RABEP1: variants seen among roughly 807,000 people sequenced by gnomAD.
RABEP1 encodes rabaptin, RAB GTPase binding effector protein 1.
In RABEP1, 51 loss-of-function variants were observed where a neutral mutation model predicts 123.4. The observed-to-expected ratio is 0.41, with a 90% confidence interval of 0.33 to 0.52. The LOEUF is 0.52. Among genes scored for constraint, RABEP1 ranks in the 20% least tolerant of loss-of-function variants. The probability of loss-of-function intolerance (pLI) is 0.16; values close to 1 mark genes in which losing one functional copy is unlikely to be tolerated. For synonymous variants in RABEP1, 347 were observed against 355.2 expected, an observed-to-expected ratio of 0.98 and a Z score of 0.26; for missense variants, 888 against 996.3, an observed-to-expected ratio of 0.89 and a Z score of 1.46.
chr17:5,289,674 A>G (rs920100850), intron 1 of RABEP1, among the ~76,000 whole-genome samples: 16 of 152,302 alleles, frequency 1.1e-4, no homozygotes, highest in Admixed American at 1.0e-3. Context: ...AGACTAGTAG[A>G]CATAAGGAAC....
intron 1 of RABEP1, among the ~76,000 whole-genome samples, chr17:5,293,248 T>C (rs1262052475): frequency 2.0e-5 from 3 of 151,816 alleles, no homozygotes; most frequent in Admixed American, 6.6e-5. Context: ...GATTGCACCA[T>C]TGCACTCCAG....
chr17:5,289,484 ACT>A (rs138574954), intron 1 of RABEP1, among the ~76,000 whole-genome samples: 3,177 of 148,412 alleles, frequency 0.021, 108 homozygotes, highest in African/African-American at 0.074. Flanking sequence ...GACCTCCCCA[ACT>A]CTCATGTTTA....
chr17:5,282,314 G>A lies in RABEP1; in HGVS notation c.-173G>A, dbSNP rs900648291. ...GATGAGGAGGCGGAGGTCGGCGGTC[G>A]GGTCCGTCTCTGCCCGCGGCTGTGG... On this transcript the variant is annotated 5_prime_UTR_variant, in exon 1 of 18. Coordinates refer to ENST00000537505, the MANE Select transcript of RABEP1 (RefSeq NM_004703.6). 1.1e-5 allele frequency: 5 copies of A among 436,062 alleles called. No individual in the cohort carries two copies. Among genetic ancestry groups the A allele is most frequent in the African/African-American group, 4.1e-5 (2 of 49,060 alleles). The allele number at this position is 436,062 out of a possible 1,614,324, so 27.0% of individuals were successfully genotyped here. A position where few individuals can be genotyped will look rare whatever the true frequency, so the allele number is the denominator to read the frequency against.
intron 2 of RABEP1, among the ~76,000 whole-genome samples, chr17:5,326,631 C>T (rs1469291331): frequency 2.6e-5 from 4 of 152,006 alleles, no homozygotes; most frequent in Non-Finnish European, 4.4e-5. Context: ...CTAGTGTAAA[C>T]GAAGTGGGTG....
At chr17:5,282,839 T>C (rs181955686) in intron 1 of RABEP1, among the ~76,000 whole-genome samples, 44 of 151,722 alleles carry the variant, frequency 2.9e-4, no homozygotes, top group African/African-American at 1.0e-3. Context: ...GGCACGTGGG[T>C]TCTGCCCGTG....
chr17:5,366,880 A>G (rs571298211), intron 11 of RABEP1, among the ~76,000 whole-genome samples: 10 of 151,786 alleles, frequency 6.6e-5, no homozygotes, highest in African/African-American at 1.9e-4. Flanking sequence ...ACCTGAGGTC[A>G]GGAGTTTGAG....
intron 1 of RABEP1, among the ~76,000 whole-genome samples, chr17:5,305,437 T>C (rs986736897): frequency 3.9e-5 from 6 of 152,192 alleles, no homozygotes; most frequent in African/African-American, 7.2e-5. Flanking sequence ...AATGGAAACA[T>C]ACTTAATCTT....
chr17:5,382,151 G>A (rs1429338917), intron 17 of RABEP1, among the ~76,000 whole-genome samples: 1 of 149,920 alleles, frequency 6.7e-6, no homozygotes, highest in Non-Finnish European at 1.5e-5. Context: ...GTGTGATCTT[G>A]GCTCACTGCA....
chr17:5,384,605 C>T lies in RABEP1; in HGVS notation c.*1382C>T, dbSNP rs1355184049. 1 of 215,554 alleles carries T rather than the reference C, an allele frequency of 4.6e-6. No homozygotes were observed. Among genetic ancestry groups the T allele is most frequent in the Non-Finnish European group, 9.3e-6 (1 of 107,192 alleles). The allele number at this position is 215,554 out of a possible 1,614,324, so 13.4% of individuals were successfully genotyped here. A position where few individuals can be genotyped will look rare whatever the true frequency, so the allele number is the denominator to read the frequency against. On this transcript the variant is annotated 3_prime_UTR_variant, in exon 18 of 18. Coordinates refer to ENST00000537505, the MANE Select transcript of RABEP1 (RefSeq NM_004703.6). ...TAAATGAGGTCACTATGGACTTACC[C>T]TAAAGATCTTCTGTACTTCTGTCTT... is the stretch of plus-strand genomic sequence containing the variant.
chr17:5,292,774 C>A (rs72836367), intron 1 of RABEP1, among the ~76,000 whole-genome samples: 1 of 151,984 alleles, frequency 6.6e-6, no homozygotes, highest in Non-Finnish European at 1.5e-5. Context: ...CTCTGCTTTC[C>A]GGGCTCAGGT....
chr17:5,334,670 G>A (rs1442817266), intron 3 of RABEP1, among the ~76,000 whole-genome samples: 6 of 152,106 alleles, frequency 3.9e-5, no homozygotes, highest in Admixed American at 6.6e-5. Context: ...GCCCGGCCAC[G>A]TTTTAAGATT....
Position 5,380,401 on chromosome 17 carries a change from A to G in RABEP1, c.2309A>G (p.Glu770Gly), listed in dbSNP as rs201050515. ...STLREKSQQL[E>G]SLQEIKISLE... ...TTAAGAGAGAAGTCTCAACAGCTTG[A>G]GAGTCTTCAGGAAATAAAGATCAGT... is the stretch of plus-strand genomic sequence containing the variant. The change falls in exon 16 of 18, where the codon GAG becomes GGG. Residue 770 changes from glutamate (E) to glycine (G), a missense_variant. Physicochemically the swap from Glu to Gly is moderately conservative, Grantham distance 98. Coordinates refer to ENST00000537505, the MANE Select transcript of RABEP1 (RefSeq NM_004703.6). 1.3e-6 allele frequency: 2 copies of G among 1,574,232 alleles called. No individual in the cohort carries two copies. The highest frequency in any genetic ancestry group is 1.9e-5 in the Admixed American group (1 of 53,852).
chr17:5,311,744 A>G (rs1282763795), intron 2 of RABEP1, among the ~76,000 whole-genome samples: 1 of 151,614 alleles, frequency 6.6e-6, no homozygotes, highest in African/African-American at 2.4e-5. Context: ...AGGAAAATAT[A>G]AAAATCATTG....
At chr17:5,366,103 C>A (rs1035487478) in intron 11 of RABEP1, among the ~76,000 whole-genome samples, 1 of 152,166 alleles carries the variant, frequency 6.6e-6, no homozygotes, top group African/African-American at 2.4e-5. Context: ...ATACCTCCAC[C>A]AGCAATGTAT....
chr17:5,282,318 C>G lies in RABEP1; in HGVS notation c.-169C>G, dbSNP rs918676349. 1.1e-5 allele frequency: 5 copies of G among 450,284 alleles called. No individual in the cohort carries two copies. The highest frequency in any genetic ancestry group is 1.8e-5 in the Non-Finnish European group (5 of 270,926). 27.9% of individuals were successfully genotyped at this position (450,284 alleles called of 1,614,324 possible). On this transcript the variant is annotated 5_prime_UTR_variant, in exon 1 of 18. Transcript: ENST00000537505. Reference sequence around the variant, plus strand: ...AGGAGGCGGAGGTCGGCGGTCGGGTCCGTCTCTGCCCGCGGCTGTGGCGGC... The same window carrying G: ...AGGAGGCGGAGGTCGGCGGTCGGGTGCGTCTCTGCCCGCGGCTGTGGCGGC...
intron 2 of RABEP1, among the ~76,000 whole-genome samples, chr17:5,314,729 A>G (rs1343592009): frequency 6.6e-6 from 1 of 152,154 alleles, no homozygotes; most frequent in Non-Finnish European, 1.5e-5. Flanking sequence ...CGTGTTAGCC[A>G]TGATGGTCTC....
chr17:5,361,227 G>T lies in RABEP1; in HGVS notation c.1115G>T (p.Arg372Leu). The change falls in exon 9 of 18, where the codon CGT becomes CTT. Residue 372 changes from arginine to leucine, a missense_variant. Transcript: ENST00000537505. ...SNEEEHLDST[R>L]GSVHSLDAGL... is the part of the protein sequence containing the mutation. ...TTTCAGGAGCATTTAGACAGCACCCGTGGCTCAGTTCATTCCTTAGATGCA... is the reference window on the plus strand; with the variant it reads ...TTTCAGGAGCATTTAGACAGCACCCTTGGCTCAGTTCATTCCTTAGATGCA... 6.2e-7 allele frequency: 1 copy of T among 1,613,890 alleles called. No homozygotes were observed.
At chr17:5,331,336 G>A (rs1267167509) in intron 2 of RABEP1, among the ~76,000 whole-genome samples, 3 of 152,072 alleles carry the variant, frequency 2.0e-5, no homozygotes, top group East Asian at 3.9e-4. Context: ...AAGGGTATGG[G>A]AAAACAATCA....
At chr17:5,371,094 G>A (rs1357432566) in intron 12 of RABEP1, among the ~76,000 whole-genome samples, 1 of 152,092 alleles carries the variant, frequency 6.6e-6, no homozygotes, top group Non-Finnish European at 1.5e-5. Flanking sequence ...AGCCTCTGGA[G>A]TAGCTGGGAC....
Sources: allele counts gnomAD v4.1 joint callset (sites outside exome capture counted in the v4.1 genomes callset), GRCh38; gene constraint gnomAD v4.1.1; transcripts MANE v1.5; gene names NCBI Gene and HGNC (gene_info 2026-07-23, HGNC 2026-07-21).